Variants in MLLT10 observed in about 807,000 individuals in gnomAD.
MLLT10 encodes the protein protein AF-10.
In MLLT10, 30 loss-of-function variants were observed where a neutral mutation model predicts 129.1. The ratio of observed to expected loss-of-function variants is 0.23; its 90% CI spans 0.17 to 0.32. The LOEUF (loss-of-function observed/expected upper bound fraction) is 0.32. MLLT10 is among the 10% of genes least tolerant of loss of function. The pLI is 1.00. For synonymous variants in MLLT10, 490 were observed against 446.4 expected, an observed-to-expected ratio of 1.10 and a Z score of -1.23; for missense variants, 1,119 against 1,268.3, an observed-to-expected ratio of 0.88 and a Z score of 1.79.
At chr10:21,556,565 T>C in intron 3 of MLLT10, 1 of 1,120,796 alleles carries the variant, frequency 8.9e-7, no homozygotes, top group Non-Finnish European at 1.3e-6. Flanking sequence ...AATTAAGCTT[T>C]GCAGTTTTCT....
Position 21,732,234 on chromosome 10 carries a change from C to T in MLLT10, c.2219-665C>T, listed in dbSNP as rs1225289343. Reference sequence around the variant, plus strand: ...TAACGGCAACACTCTGTGTTGTTAGCTGGGAGGTCCAAGTTGTGGAAGGAA... The same window carrying T: ...TAACGGCAACACTCTGTGTTGTTAGTTGGGAGGTCCAAGTTGTGGAAGGAA... On this transcript the variant is annotated intron_variant, in intron 17 of 22. Coordinates refer to ENST00000307729, the MANE Select transcript of MLLT10 (RefSeq NM_001195626.3). Among the ~76,000 whole-genome samples the T allele has an allele frequency of 2.6e-5, 4 of 152,316 alleles. No homozygotes were observed. The East Asian group carries it at 7.7e-4, about 29-fold the overall frequency.
chr10:21,542,179 C>T (rs944246116), intron 3 of MLLT10, among the ~76,000 whole-genome samples: 2 of 152,164 alleles, frequency 1.3e-5, no homozygotes, highest in Non-Finnish European at 2.9e-5. Context: ...ATGCCAGCAT[C>T]ATTTGCCTCA....
At chr10:21,587,979 A>G (rs1225793383) in intron 4 of MLLT10, among the ~76,000 whole-genome samples, 1 of 152,204 alleles carries the variant, frequency 6.6e-6, no homozygotes, top group East Asian at 1.9e-4. Flanking sequence ...CCATCTTTAT[A>G]CAAATGGGTT....
At position 21,742,907 on chromosome 10, in the gene MLLT10, A is replaced by G. The variant is rs780750908; in HGVS notation, c.*924A>G. 8.7e-6 allele frequency: 2 copies of G among 228,656 alleles called. No individual in the cohort carries two copies. The highest frequency in any genetic ancestry group is 1.7e-5 in the Non-Finnish European group (2 of 115,272). The allele number at this position is 228,656 out of a possible 1,614,324, so 14.2% of individuals were successfully genotyped here. On this transcript the variant is annotated 3_prime_UTR_variant, in exon 23 of 23. Coordinates refer to ENST00000307729, the MANE Select transcript of MLLT10 (RefSeq NM_001195626.3). Reference sequence around the variant, plus strand: ...GCCTTTATTCAGAACTTTCTGTGCCACTGTAGATAGCTCAGGCAAAACTAT... The same window carrying G: ...GCCTTTATTCAGAACTTTCTGTGCCGCTGTAGATAGCTCAGGCAAAACTAT...
intron 16 of MLLT10, among the ~76,000 whole-genome samples, chr10:21,729,193 ATGT>A (rs2057759298): frequency 6.6e-6 from 1 of 152,120 alleles, no homozygotes; most frequent in African/African-American, 2.4e-5. Flanking sequence ...GATTAATTCT[ATGT>A]TGTTTTTCTT....
At chr10:21,628,740 CTT>C (rs1161362725) in intron 8 of MLLT10, among the ~76,000 whole-genome samples, 11 of 99,352 alleles carry the variant, frequency 1.1e-4, no homozygotes, top group Admixed American at 4.2e-4. Context: ...TGTGCCCTGC[CTT>C]TTTTTTTTTT....
intron 11 of MLLT10, among the ~76,000 whole-genome samples, chr10:21,678,073 G>T (rs2052366511): frequency 6.6e-6 from 1 of 152,100 alleles, no homozygotes; most frequent in Non-Finnish European, 1.5e-5. Context: ...TAAGCTGTAA[G>T]ACATATTACT....
intron 5 of MLLT10, 93 bp downstream of exon 5, chr10:21,595,533 A>T: frequency 1.0e-6 from 1 of 959,244 alleles, no homozygotes; most frequent in Non-Finnish European, 1.5e-6. Flanking sequence ...GTCTCCATCA[A>T]ATCCAGGGAG....
At chr10:21,679,090 A>T (rs1235096585) in intron 11 of MLLT10, among the ~76,000 whole-genome samples, 2 of 152,180 alleles carry the variant, frequency 1.3e-5, no homozygotes, top group African/African-American at 4.8e-5. Flanking sequence ...ACACCTATAA[A>T]ATGTTTGATT....
At chr10:21,616,320 C>T (rs1454775440) in intron 7 of MLLT10, among the ~76,000 whole-genome samples, 3 of 151,844 alleles carry the variant, frequency 2.0e-5, no homozygotes, top group Admixed American at 2.0e-4. Context: ...TGATGTTATC[C>T]CATTTGATAG....
intron 3 of MLLT10, among the ~76,000 whole-genome samples, chr10:21,577,016 A>G (rs1291263035): frequency 6.6e-6 from 1 of 152,224 alleles, no homozygotes; most frequent in Non-Finnish European, 1.5e-5. Context: ...CCTTTGGCCC[A>G]TTAACAGTCA....
At chr10:21,550,453 TAGTC>T (rs2036815324) in intron 3 of MLLT10, among the ~76,000 whole-genome samples, 1 of 152,220 alleles carries the variant, frequency 6.6e-6, no homozygotes, top group Non-Finnish European at 1.5e-5. Context: ...GTTGCTGTCA[TAGTC>T]AGTCCTACCC....
chr10:21,675,623 C>T (rs941195133), intron 11 of MLLT10, among the ~76,000 whole-genome samples: 1 of 152,148 alleles, frequency 6.6e-6, no homozygotes, highest in African/African-American at 2.4e-5. Flanking sequence ...GCCCCCTTGT[C>T]ACAAAAAGTA....
intron 3 of MLLT10, among the ~76,000 whole-genome samples, chr10:21,566,703 T>A (rs1474872354): frequency 6.6e-6 from 1 of 152,030 alleles, no homozygotes; most frequent in Admixed American, 6.6e-5. Flanking sequence ...CCATTTTTCT[T>A]ATTTTTTTCT....
chr10:21,689,177 G>A (rs1246238669), intron 13 of MLLT10, among the ~76,000 whole-genome samples: 1 of 151,924 alleles, frequency 6.6e-6, no homozygotes, highest in Non-Finnish European at 1.5e-5. Flanking sequence ...CTTTCTTTAT[G>A]TCTATATGTA....
At chr10:21,729,068 G>T (rs1274760372) in intron 16 of MLLT10, among the ~76,000 whole-genome samples, 1 of 151,748 alleles carries the variant, frequency 6.6e-6, no homozygotes, top group Non-Finnish European at 1.5e-5. Context: ...TGAACTAAAA[G>T]TAGTATTGTT....
chr10:21,654,778 G>A (rs2049386133), intron 9 of MLLT10, among the ~76,000 whole-genome samples: 1 of 152,154 alleles, frequency 6.6e-6, no homozygotes, highest in South Asian at 2.1e-4. Context: ...TGCCAGGGGG[G>A]TTATAATGAT....
chr10:21,542,434 G>A (rs1365100942), intron 3 of MLLT10, among the ~76,000 whole-genome samples: 1 of 152,164 alleles, frequency 6.6e-6, no homozygotes, highest in Non-Finnish European at 1.5e-5. Flanking sequence ...GCCGGGCGTG[G>A]TAGTGAGCGC....
At chr10:21,628,037 A>G (rs956680761) in intron 8 of MLLT10, among the ~76,000 whole-genome samples, 1 of 152,196 alleles carries the variant, frequency 6.6e-6, no homozygotes, top group African/African-American at 2.4e-5. Flanking sequence ...CTTTGGTTTA[A>G]GCCTTTAGTA....
Sources: gnomAD v4.1 joint callset for allele counts (sites outside exome capture counted in the v4.1 genomes callset) on GRCh38, gnomAD v4.1.1 for gene constraint, MANE v1.5 for transcripts, NCBI Gene and HGNC (gene_info 2026-07-23, HGNC 2026-07-21) for gene names.